The following DAB1 variants were observed in gnomAD, a reference collection of about 807,000 sequenced individuals.
The protein encoded by DAB1 is disabled homolog 1.
In DAB1, 15 loss-of-function variants were observed where a neutral mutation model predicts 64.6. The ratio of observed to expected loss-of-function variants is 0.23; its 90% CI spans 0.16 to 0.36. The LOEUF (loss-of-function observed/expected upper bound fraction) is 0.36, where lower values mean the gene tolerates loss of function less well. Among genes scored for constraint, DAB1 ranks in the 10% least tolerant of loss-of-function variants. The pLI, the probability that DAB1 is intolerant of heterozygous loss-of-function variation, is 1.00. For missense variants in DAB1, 596 were observed against 706.7 expected (o/e 0.84, Z 1.78); for synonymous variants, 235 against 251.9 (o/e 0.93, Z 0.64).
chr1:58,443,861 A>C (rs1247321987), intron 3 of DAB1, among the ~76,000 whole-genome samples: 2 of 152,256 alleles, frequency 1.3e-5, no homozygotes, highest in African/African-American at 4.8e-5. Flanking sequence ...TTGCTAAATA[A>C]TAGTTCATCC....
At chr1:57,028,170 G>A (rs1376795366) in intron 9 of DAB1, among the ~76,000 whole-genome samples, 1 of 152,128 alleles carries the variant, frequency 6.6e-6, no homozygotes, top group Non-Finnish European at 1.5e-5. Flanking sequence ...GGACACACGG[G>A]GAGGTAATTG....
chr1:57,766,173 T>C (rs778235100), intron 6 of DAB1, among the ~76,000 whole-genome samples: 11 of 151,642 alleles, frequency 7.3e-5, no homozygotes, highest in Admixed American at 2.0e-4. Flanking sequence ...ACCACCATCA[T>C]CTCTTGCCTA....
intron 3 of DAB1, among the ~76,000 whole-genome samples, chr1:58,357,098 G>T (rs926269853): frequency 3.3e-5 from 5 of 151,110 alleles, no homozygotes; most frequent in African/African-American, 4.9e-5. Flanking sequence ...GCCATGGGAA[G>T]ATTTTAAGCA....
At chr1:57,402,310 A>G (rs1278019486) in intron 1 of DAB1, among the ~76,000 whole-genome samples, 1 of 152,220 alleles carries the variant, frequency 6.6e-6, no homozygotes, top group Non-Finnish European at 1.5e-5. Context: ...TAGTCACCAT[A>G]TTTTATTACA....
chr1:57,513,795 C>A (rs547288213), intron 7 of DAB1, among the ~76,000 whole-genome samples: 3 of 152,294 alleles, frequency 2.0e-5, no homozygotes, highest in African/African-American at 7.2e-5. Flanking sequence ...TTTATTACTC[C>A]TGTTTTGCTG....
intron 5 of DAB1, among the ~76,000 whole-genome samples, chr1:58,050,096 T>C (rs1647541313): frequency 6.6e-6 from 1 of 152,120 alleles, no homozygotes; most frequent in East Asian, 1.9e-4. Flanking sequence ...TAAGGCAGTA[T>C]TCTAGGCCAA....
chr1:57,688,967 A>G (rs1237364898), intron 6 of DAB1, among the ~76,000 whole-genome samples: 1 of 152,184 alleles, frequency 6.6e-6, no homozygotes, highest in Non-Finnish European at 1.5e-5. Flanking sequence ...GTTTGGTACT[A>G]TGCTCACTAC....
chr1:57,038,349 GT>G (rs1189232601), intron 9 of DAB1, among the ~76,000 whole-genome samples: 2 of 152,110 alleles, frequency 1.3e-5, no homozygotes, highest in Non-Finnish European at 2.9e-5. Context: ...TATTTGTGGA[GT>G]TTTTTAGAAG....
At chr1:58,192,193 G>GATAGAA (rs377474788) in intron 4 of DAB1, among the ~76,000 whole-genome samples, 1,534 of 152,322 alleles carry the variant, frequency 0.01, 44 homozygotes, top group East Asian at 0.098. Context: ...AACTCATAGA[G>GATAGAA]ATAGAAACAG....
At chr1:58,137,858 AGGTT>A (rs1162387865) in intron 5 of DAB1, among the ~76,000 whole-genome samples, 1 of 152,070 alleles carries the variant, frequency 6.6e-6, no homozygotes, top group African/African-American at 2.4e-5. Context: ...CCAGGGCTTG[AGGTT>A]GTCATAGGTT....
chr1:58,212,501 A>G (rs150283896), intron 4 of DAB1, among the ~76,000 whole-genome samples: 2 of 152,296 alleles, frequency 1.3e-5, no homozygotes, highest in African/African-American at 4.8e-5. Flanking sequence ...AGGCCTTGAC[A>G]TCCAGGCCAT....
chr1:58,001,040 C>T (rs930031497), intron 5 of DAB1, among the ~76,000 whole-genome samples: 1 of 151,902 alleles, frequency 6.6e-6, no homozygotes, highest in African/African-American at 2.4e-5. Flanking sequence ...TACTTTTCTT[C>T]ACTTTTTTCT....
At chr1:57,755,675 C>G (rs1342772706) in intron 6 of DAB1, among the ~76,000 whole-genome samples, 1 of 152,140 alleles carries the variant, frequency 6.6e-6, no homozygotes, top group Non-Finnish European at 1.5e-5. Flanking sequence ...TTCATTCATC[C>G]TCTTCAGAAT....
At chr1:57,275,493 A>T (rs1012774835) in intron 2 of DAB1, among the ~76,000 whole-genome samples, 1 of 152,196 alleles carries the variant, frequency 6.6e-6, no homozygotes, top group Non-Finnish European at 1.5e-5. Context: ...TAAAATTTGA[A>T]TCCTTTACAG....
At chr1:58,186,521 CT>C (rs753143290) in intron 4 of DAB1, among the ~76,000 whole-genome samples, 144 of 152,118 alleles carry the variant, frequency 9.5e-4, no homozygotes, top group Middle Eastern at 3.4e-3. Flanking sequence ...TGTTCAATAA[CT>C]TTTTTTTCTT....
At chr1:57,637,698 A>G (rs912662035) in intron 7 of DAB1, among the ~76,000 whole-genome samples, 3 of 152,182 alleles carry the variant, frequency 2.0e-5, no homozygotes, top group Admixed American at 2.0e-4. Flanking sequence ...CTTGGACAGG[A>G]GGTAGAATGT....
At chr1:58,509,678 G>A (rs569654086) in intron 2 of DAB1, among the ~76,000 whole-genome samples, 2 of 148,462 alleles carry the variant, frequency 1.3e-5, no homozygotes, top group South Asian at 4.2e-4. Context: ...AAAGAAAACA[G>A]AGAATAAAAA....
chr1:58,301,652 G>A (rs1200630090), intron 4 of DAB1, among the ~76,000 whole-genome samples: 1 of 152,042 alleles, frequency 6.6e-6, no homozygotes, highest in Non-Finnish European at 1.5e-5. Flanking sequence ...GACCTTAATT[G>A]TCTGTTGATA....
intron 6 of DAB1, among the ~76,000 whole-genome samples, chr1:57,789,058 G>A (rs769150117): frequency 6.6e-6 from 1 of 152,100 alleles, no homozygotes; most frequent in African/African-American, 2.4e-5. Flanking sequence ...GAGGGCTGAG[G>A]AGGAAGATAC....
Sources: allele counts gnomAD v4.1 joint callset (sites outside exome capture counted in the v4.1 genomes callset), GRCh38; gene constraint gnomAD v4.1.1; transcripts MANE v1.5; gene names NCBI Gene and HGNC (gene_info 2026-07-23, HGNC 2026-07-21).